ATRX: variants seen among roughly 807,000 people sequenced by gnomAD.
ATRX encodes the protein ATRX chromatin remodeler, also known as chromatin remodeler ATRX.
ATRX carries 12 observed loss-of-function variants against 172.6 expected under a neutral mutation model. The observed-to-expected ratio is 0.07, with a 90% CI of 0.04 to 0.11. The LOEUF is 0.11. Among genes scored for constraint, ATRX ranks in the 10% least tolerant of loss-of-function variants. The probability of loss-of-function intolerance (pLI) is 1.00; values close to 1 mark genes in which losing one functional copy is unlikely to be tolerated. For synonymous variants in ATRX, 674 were observed against 594.7 expected, an observed-to-expected ratio of 1.13 and a Z score of -1.94; for missense variants, 1,368 against 1,767.4, an observed-to-expected ratio of 0.77 and a Z score of 4.05.
intron 27 of ATRX, among the ~76,000 whole-genome samples, chrX:77,578,620 T>C (rs1557071949): frequency 8.9e-6 from 1 of 111,854 alleles, no homozygotes; most frequent in Non-Finnish European, 1.9e-5. Flanking sequence ...CCTTGGGCCC[T>C]GAATCATCAG....
Position 77,508,268 on chromosome X carries a change from T to G in ATRX, c.*83A>C. On this transcript the variant is annotated 3_prime_UTR_variant, in exon 35 of 35. Coordinates refer to ENST00000373344, the MANE Select transcript of ATRX (RefSeq NM_000489.6). ...AAGGGGACCAAACTATTTATACAGT[T>G]GAGTTCTGTTAAGTCATTGATTCCT... is the stretch of plus-strand genomic sequence containing the variant. 3.6e-6 allele frequency: 4 copies of G among 1,102,866 alleles called. No homozygotes were observed. The highest frequency in any genetic ancestry group is 1.8e-5 in the African/African-American group (1 of 55,458). 90.9% of individuals were successfully genotyped at this position (1,102,866 alleles called of 1,213,427 possible). A position where few individuals can be genotyped will look rare whatever the true frequency, so the allele number is the denominator to read the frequency against.
At chrX:77,564,337 A>T (rs1157941571) in intron 28 of ATRX, among the ~76,000 whole-genome samples, 1 of 111,127 alleles carries the variant, frequency 9.0e-6, no homozygotes, top group Non-Finnish European at 1.9e-5. Context: ...GGCCCTCAGG[A>T]TATAAAGGAT....
At chrX:77,646,984 T>C (rs1025702745) in intron 15 of ATRX, among the ~76,000 whole-genome samples, 7 of 106,191 alleles carry the variant, frequency 6.6e-5, no homozygotes, top group Admixed American at 1.0e-4. Context: ...TCAACAATGG[T>C]AGACTATACA....
intron 1 of ATRX, among the ~76,000 whole-genome samples, chrX:77,753,365 T>G (rs1299134408): frequency 9.0e-6 from 1 of 111,658 alleles, no homozygotes; most frequent in Non-Finnish European, 1.9e-5. Flanking sequence ...TCTTTTCTTC[T>G]TTATTAGTCT....
intron 1 of ATRX, among the ~76,000 whole-genome samples, chrX:77,754,067 C>T (rs1194556518): frequency 7.2e-5 from 8 of 111,671 alleles, no homozygotes; most frequent in African/African-American, 1.3e-4. Context: ...CTTGTTGCAT[C>T]GATCCCTTAA....
chrX:77,626,461 A>G (rs371030717), intron 19 of ATRX, among the ~76,000 whole-genome samples: 1 of 111,580 alleles, frequency 9.0e-6, no homozygotes, highest in Non-Finnish European at 1.9e-5. Flanking sequence ...AAAATGATGT[A>G]TATCTCTATG....
chrX:77,617,863 C>T (rs782577730), intron 21 of ATRX, among the ~76,000 whole-genome samples: 5 of 109,788 alleles, frequency 4.6e-5, no homozygotes, highest in East Asian at 2.9e-4. Context: ...ACTATAGGTG[C>T]GCACCACCGT....
At chrX:77,543,280 T>C (rs782682673) in intron 30 of ATRX, among the ~76,000 whole-genome samples, 65 of 112,007 alleles carry the variant, frequency 5.8e-4, no homozygotes, top group Middle Eastern at 4.6e-3. Flanking sequence ...CCAGTTAGAA[T>C]GGCGATCTTT....
At chrX:77,599,870 C>A (rs947583866) in intron 23 of ATRX, 50 bp from the exon 24 acceptor site, 1 of 977,815 alleles carries the variant, frequency 1.0e-6, no homozygotes. Context: ...TCAACTTACA[C>A]TGGAAATTAT....
chrX:77,726,632 T>C (rs1352905271), intron 1 of ATRX, among the ~76,000 whole-genome samples: 4 of 111,177 alleles, frequency 3.6e-5, no homozygotes, highest in Non-Finnish European at 7.6e-5. Flanking sequence ...TAAAAAAAAA[T>C]CTCCATTAGA....
intron 1 of ATRX, among the ~76,000 whole-genome samples, chrX:77,753,308 G>A (rs1489809724): frequency 1.8e-5 from 2 of 111,281 alleles, no homozygotes; most frequent in Non-Finnish European, 1.9e-5. Context: ...GGGATCAGTG[G>A]TGATATCCCC....
At chrX:77,604,800 G>A (rs1490719088) in intron 22 of ATRX, among the ~76,000 whole-genome samples, 1 of 112,471 alleles carries the variant, frequency 8.9e-6, no homozygotes, top group Non-Finnish European at 1.9e-5. Flanking sequence ...TATATACACA[G>A]TGGAATACTA....
chrX:77,684,354 T>C lies in ATRX; in HGVS notation c.902A>G (p.Asp301Gly), dbSNP rs2148635109. The C allele has an allele frequency of 8.3e-7, 1 of 1,209,641 alleles. No individual in the cohort carries two copies. The highest frequency in any genetic ancestry group is 1.1e-6 in the Non-Finnish European group (1 of 893,340). ...ATATACTTTATTACTCTTTTCACTG[T>C]CAACTTTTATCTTCTTCTTATTTTG... ...LQQNKKKIKV[D>G]SEKSNKVYEH... is the part of the protein sequence containing the mutation. The change falls in exon 9 of 35, where the codon GAC (aspartate) becomes GGC (glycine). Residue 301 changes from aspartate to glycine, a missense_variant. Around this residue, in one of 17 missense-constraint regions of ATRX, gnomAD observed 843 missense variants for 643.1 expected, o/e 1.31. Transcript: ENST00000373344.
At chrX:77,781,035 C>T (rs2076550373) in intron 1 of ATRX, among the ~76,000 whole-genome samples, 1 of 111,566 alleles carries the variant, frequency 9.0e-6, no homozygotes. Context: ...CACAGTCATA[C>T]AATCAAGCAA....
At chrX:77,707,294 G>C (rs2072880641) in intron 2 of ATRX, among the ~76,000 whole-genome samples, 1 of 112,146 alleles carries the variant, frequency 8.9e-6, no homozygotes, top group African/African-American at 3.2e-5. Flanking sequence ...GATGGTGGTG[G>C]TGAATGCACA....
intron 13 of ATRX, among the ~76,000 whole-genome samples, chrX:77,656,151 C>T (rs2069538551): frequency 9.0e-6 from 1 of 111,383 alleles, no homozygotes; most frequent in Middle Eastern, 4.2e-3. Flanking sequence ...TCATTTAATG[C>T]CCACAATAGT....
chrX:77,513,741 T>C (rs140946794), intron 34 of ATRX, among the ~76,000 whole-genome samples: 28 of 111,469 alleles, frequency 2.5e-4, no homozygotes, highest in Non-Finnish European at 2.3e-4. Flanking sequence ...CAACATAGTA[T>C]TAGAAGTCCT....
chrX:77,777,008 C>T (rs1235106644), intron 1 of ATRX, among the ~76,000 whole-genome samples: 1 of 109,737 alleles, frequency 9.1e-6, no homozygotes, highest in African/African-American at 3.3e-5. Flanking sequence ...TTCAACTCTG[C>T]AACTACAGTG....
intron 28 of ATRX, among the ~76,000 whole-genome samples, chrX:77,572,066 T>C (rs2065434765): frequency 8.9e-6 from 1 of 111,900 alleles, no homozygotes; most frequent in African/African-American, 3.2e-5. Flanking sequence ...TTCCTTGCTC[T>C]TTTCATTTTG....
Sources: gnomAD v4.1 joint callset for allele counts (sites outside exome capture counted in the v4.1 genomes callset) on GRCh38, gnomAD v4.1.1 for gene constraint, gnomAD v4.1.1 regional missense constraint, MANE v1.5 for transcripts, NCBI Gene and HGNC (gene_info 2026-07-23, HGNC 2026-07-21) for gene names.